The following PTPRG variants were observed in gnomAD, a reference collection of about 807,000 sequenced individuals.
PTPRG encodes receptor-type tyrosine-protein phosphatase gamma.
PTPRG carries 102 observed loss-of-function variants against 165.3 expected under a neutral mutation model. The ratio of observed to expected loss-of-function variants is 0.62; its 90% CI spans 0.53 to 0.73. The LOEUF is 0.73. PTPRG is among the 30% of genes least tolerant of loss of function. The pLI is 0.00. For missense variants in PTPRG, 1,866 were observed against 1,861.4 expected (o/e 1.00, Z -0.05); for synonymous variants, 675 against 669.5 (o/e 1.01, Z -0.13).
intron 4 of PTPRG, among the ~76,000 whole-genome samples, chr3:62,071,800 A>G (rs1157704461): frequency 6.6e-6 from 1 of 152,222 alleles, no homozygotes; most frequent in African/African-American, 2.4e-5. Context: ...TTCAAATTAC[A>G]AATTTTGTAA....
chr3:62,140,352 A>T (rs1260352103), intron 6 of PTPRG, among the ~76,000 whole-genome samples: 1 of 152,352 alleles, frequency 6.6e-6, no homozygotes, highest in East Asian at 1.9e-4. Context: ...AACTGAAAAC[A>T]GCCTAAATGT....
intron 1 of PTPRG, among the ~76,000 whole-genome samples, chr3:61,733,742 C>T (rs2032609622): frequency 6.6e-6 from 1 of 152,208 alleles, no homozygotes; most frequent in African/African-American, 2.4e-5. Flanking sequence ...TCTTTAGTCT[C>T]ATTTCCCTGT....
At chr3:61,704,481 T>G (rs1229374035) in intron 1 of PTPRG, among the ~76,000 whole-genome samples, 2 of 152,158 alleles carry the variant, frequency 1.3e-5, no homozygotes, top group Non-Finnish European at 2.9e-5. Context: ...TACAAATTTG[T>G]GTCAGTTTGG....
chr3:62,232,905 A>T (rs1700938030), intron 14 of PTPRG, among the ~76,000 whole-genome samples: 1 of 152,268 alleles, frequency 6.6e-6, no homozygotes, highest in East Asian at 1.9e-4. Context: ...TGGCTCAGGG[A>T]GATATGTGTT....
At chr3:62,077,454 T>A (rs1264133074) in intron 4 of PTPRG, among the ~76,000 whole-genome samples, 1 of 151,938 alleles carries the variant, frequency 6.6e-6, no homozygotes, top group Non-Finnish European at 1.5e-5. Flanking sequence ...TCTGCCCTAA[T>A]TTTTTTTACA....
At chr3:61,670,560 C>T (rs904425684) in intron 1 of PTPRG, among the ~76,000 whole-genome samples, 18 of 152,152 alleles carry the variant, frequency 1.2e-4, no homozygotes, top group African/African-American at 4.3e-4. Context: ...CTCTGCTTTC[C>T]ATATGGTCAT....
rs562525390 is a variant in PTPRG, at chr3:62,137,978, G to A, written c.682+5310G>A. Among the ~76,000 whole-genome samples, 5 of 152,270 alleles carry A rather than the reference G, an allele frequency of 3.3e-5. No individual in the cohort carries two copies. In the East Asian group the frequency reaches 9.7e-4, roughly 29 times the overall value. The stretch of plus-strand genomic sequence containing the variant: ...GCAACTTCTCATATAGTTGTAAGAG[G>A]ATCAGCTTCAATGATTGCTCTCAAT... On this transcript the variant is annotated intron_variant, in intron 6 of 29. Transcript: ENST00000474889.
At chr3:62,173,115 C>T (rs1274711604) in intron 8 of PTPRG, among the ~76,000 whole-genome samples, 1 of 152,214 alleles carries the variant, frequency 6.6e-6, no homozygotes, top group Non-Finnish European at 1.5e-5. Flanking sequence ...AACCTGAACA[C>T]ATCCTCCAGT....
chr3:61,601,249 C>G (rs1700858937), intron 1 of PTPRG, among the ~76,000 whole-genome samples: 1 of 152,168 alleles, frequency 6.6e-6, no homozygotes, highest in Non-Finnish European at 1.5e-5. Flanking sequence ...GACGGGGACT[C>G]TGTCTCAAAA....
rs551750041 is a variant in PTPRG, at chr3:61,636,258, G to T, written c.85+73886G>T. Among the ~76,000 whole-genome samples, 4 of 152,232 alleles carry T rather than the reference G, an allele frequency of 2.6e-5. No homozygotes were observed. In the East Asian group the frequency reaches 7.7e-4, roughly 29 times the overall value. ...GTATTTTGCATATATTCAAAGAGTT[G>T]TATAATGATCTTATTTTAGAACATT... is the stretch of plus-strand genomic sequence containing the variant. On this transcript the variant is annotated intron_variant, in intron 1 of 29. Transcript: ENST00000474889.
At chr3:61,891,281 C>A (rs1264070602) in intron 2 of PTPRG, among the ~76,000 whole-genome samples, 1 of 151,946 alleles carries the variant, frequency 6.6e-6, no homozygotes, top group Non-Finnish European at 1.5e-5. Flanking sequence ...GGTGACAGAG[C>A]GAGACTCCAT....
At chr3:62,230,935 TG>T (rs898066830) in intron 13 of PTPRG, among the ~76,000 whole-genome samples, 6 of 152,182 alleles carry the variant, frequency 3.9e-5, no homozygotes, top group African/African-American at 1.2e-4. Context: ...GTCATCACTG[TG>T]TTTGTGATAT....
Position 61,835,369 on chromosome 3 carries a change from C to G in PTPRG, c.190+86387C>G, listed in dbSNP as rs182840318. ...TGGGATCATGTCATTCCTACTCCCC[C>G]CTTCCCCAGGCTGGAGTGCAGTGGT... is the stretch of plus-strand genomic sequence containing the variant. On this transcript the variant is annotated intron_variant, in intron 2 of 29. Transcript: ENST00000474889. Among the ~76,000 whole-genome samples, 1,028 of 152,190 alleles carry G rather than the reference C, an allele frequency of 6.8e-3. 5 individuals carry two copies. Among genetic ancestry groups the G allele is most frequent in the Middle Eastern group, 0.041 (12 of 294 alleles).
intron 4 of PTPRG, among the ~76,000 whole-genome samples, chr3:62,060,110 C>G (rs1345338594): frequency 6.6e-6 from 1 of 151,654 alleles, no homozygotes; most frequent in South Asian, 2.1e-4. Context: ...CCCAGCTATT[C>G]CCCAGGCAGG....
At chr3:62,287,679 A>AAGT (rs1559767557) in intron 28 of PTPRG, among the ~76,000 whole-genome samples, 5 of 152,122 alleles carry the variant, frequency 3.3e-5, no homozygotes, top group Non-Finnish European at 7.4e-5. Context: ...AAAACAGAAT[A>AAGT]AAGTATTCAG....
chr3:61,991,248 CG>C (rs1402528438), intron 3 of PTPRG, among the ~76,000 whole-genome samples: 1 of 152,170 alleles, frequency 6.6e-6, no homozygotes, highest in African/African-American at 2.4e-5. Context: ...CTCTGTTGCC[CG>C]GGCTGGAGTG....
chr3:61,585,375 C>A (rs1164619359), intron 1 of PTPRG, among the ~76,000 whole-genome samples: 1 of 151,836 alleles, frequency 6.6e-6, no homozygotes, highest in Non-Finnish European at 1.5e-5. Context: ...TGTAAATCAT[C>A]TGTAACCTCA....
chr3:61,670,468 C>T (rs549290769), intron 1 of PTPRG, among the ~76,000 whole-genome samples: 1 of 152,142 alleles, frequency 6.6e-6, no homozygotes, highest in Admixed American at 6.6e-5. Context: ...TATGTCACAG[C>T]GCATTGCAGA....
intron 2 of PTPRG, among the ~76,000 whole-genome samples, chr3:61,953,485 C>T (rs1265092409): frequency 2.0e-5 from 3 of 152,136 alleles, no homozygotes; most frequent in South Asian, 2.1e-4. Flanking sequence ...TTCTGGATGC[C>T]GGGCAGCACT....
Sources: allele counts gnomAD v4.1 joint callset (sites outside exome capture counted in the v4.1 genomes callset), GRCh38; gene constraint gnomAD v4.1.1; transcripts MANE v1.5; gene names NCBI Gene and HGNC (gene_info 2026-07-23, HGNC 2026-07-21).